Variants in ABCA5 observed in about 807,000 individuals in gnomAD.
ABCA5 encodes the protein ATP binding cassette subfamily A member 5, also known as cholesterol transporter ABCA5.
A neutral mutation model predicts 206.0 loss-of-function variants in ABCA5; 163 were observed. The observed-to-expected ratio is 0.79, with a 90% CI of 0.70 to 0.90. ABCA5 has a LOEUF of 0.90. ABCA5 is among the 40% of genes least tolerant of loss of function. The pLI, the probability that ABCA5 is intolerant of heterozygous loss-of-function variation, is 0.00. For missense variants in ABCA5, 1,859 were observed against 1,912.9 expected (o/e 0.97, Z 0.53); for synonymous variants, 609 against 613.8 (o/e 0.99, Z 0.11).
At chr17:69,261,293 A>G in intron 25 of ABCA5, 34 bp from the exon 26 acceptor site, 1 of 1,568,276 alleles carries the variant, frequency 6.4e-7, no homozygotes, top group Non-Finnish European at 8.6e-7. Context: ...AAAGTGACAA[A>G]GTGTTTAGAA....
At chr17:69,253,999 G>A (rs910456183) in intron 32 of ABCA5, 130 bp from the exon 33 acceptor site, 8 of 694,354 alleles carry the variant, frequency 1.2e-5, no homozygotes, top group Admixed American at 3.2e-5. Context: ...GTAGGTAAGG[G>A]CAAAAGTCTC....
At chr17:69,277,299 G>A (rs1163318254) in intron 19 of ABCA5, among the ~76,000 whole-genome samples, 2 of 152,116 alleles carry the variant, frequency 1.3e-5, no homozygotes, top group African/African-American at 4.8e-5. Context: ...AAGATACAAT[G>A]GGGAGTGTAT....
chr17:69,253,247 A>G (rs1410226088), intron 34 of ABCA5, among the ~76,000 whole-genome samples: 2 of 152,220 alleles, frequency 1.3e-5, no homozygotes, highest in Admixed American at 6.5e-5. Flanking sequence ...TTAAGACACT[A>G]TTATTATGGA....
In ABCA5 at chr17:69,263,697, C is replaced by CTTT. The variant is rs58369537; in HGVS notation, c.3315+1035_3315+1037dup. Among the ~76,000 whole-genome samples the CTTT allele has an allele frequency of 5.6e-3, 581 of 103,670 alleles. 55 individuals carry two copies. The highest frequency in any genetic ancestry group is 0.022 in the African/African-American group (489 of 22,706). The allele number at this position is 103,670 out of a possible 152,430, so 68.0% of individuals were successfully genotyped here. A position where few individuals can be genotyped will look rare whatever the true frequency, so the allele number is the denominator to read the frequency against. On this transcript the variant is annotated intron_variant, in intron 24 of 38. Coordinates refer to ENST00000392676, the MANE Select transcript of ABCA5 (RefSeq NM_172232.4). ...GGCTTTGTTCTTTTTACATGGATTC[C>CTTT]TTTTTTTTTTTTTTTTTGATAAAAA...
chr17:69,271,467 T>C (rs2075273295), intron 20 of ABCA5, among the ~76,000 whole-genome samples, 178 bp from the exon 21 acceptor site: 1 of 152,252 alleles, frequency 6.6e-6, no homozygotes, highest in Admixed American at 6.5e-5. Flanking sequence ...AACATTAAAC[T>C]ATTCGTCCTT....
At chr17:69,292,819 A>C (rs2075543162) in intron 11 of ABCA5, among the ~76,000 whole-genome samples, 1 of 152,252 alleles carries the variant, frequency 6.6e-6, no homozygotes, top group Admixed American at 6.5e-5. Flanking sequence ...TAGAATTAAA[A>C]GGCAAGCCTC....
At chr17:69,270,048 T>C (rs1408307382) in intron 22 of ABCA5, among the ~76,000 whole-genome samples, 8 of 152,258 alleles carry the variant, frequency 5.3e-5, no homozygotes. Flanking sequence ...CACCGAAGTG[T>C]ATACTTTGAA....
At chr17:69,267,562 C>T (rs1424262035) in intron 23 of ABCA5, among the ~76,000 whole-genome samples, 2 of 152,056 alleles carry the variant, frequency 1.3e-5, no homozygotes, top group African/African-American at 4.8e-5. Flanking sequence ...ATAAAAGGGA[C>T]GGGCATGTTA....
At chr17:69,281,000 T>C (rs1199132523) in intron 18 of ABCA5, among the ~76,000 whole-genome samples, 1 of 151,544 alleles carries the variant, frequency 6.6e-6, no homozygotes, top group African/African-American at 2.4e-5. Context: ...ACCTGCACAA[T>C]GTGCACATGT....
chr17:69,251,080 C>T (rs547463523), intron 35 of ABCA5: 1 of 153,288 alleles, frequency 6.5e-6, no homozygotes, highest in South Asian at 2.0e-4. Flanking sequence ...TTGGGTTAGT[C>T]TGATATTTTT....
intron 3 of ABCA5, among the ~76,000 whole-genome samples, chr17:69,310,633 A>G (rs535612311): frequency 1.2e-4 from 18 of 152,350 alleles, no homozygotes; most frequent in African/African-American, 4.3e-4. Flanking sequence ...AAAATACTGT[A>G]ATCATTCTTT....
At chr17:69,298,802 G>T (rs2075619785) in intron 9 of ABCA5, among the ~76,000 whole-genome samples, 1 of 152,098 alleles carries the variant, frequency 6.6e-6, no homozygotes, top group Admixed American at 6.6e-5. Flanking sequence ...AAAAGCAAAT[G>T]CAACAAAAAC....
intron 37 of ABCA5, 142 bp from the exon 38 acceptor site, chr17:69,248,459 C>T (rs893429946): frequency 3.9e-5 from 21 of 537,796 alleles, no homozygotes; most frequent in East Asian, 1.3e-4. Context: ...TTATTTTTCC[C>T]GCTTACTTCC....
intron 9 of ABCA5, among the ~76,000 whole-genome samples, chr17:69,299,996 G>C (rs1270042299): frequency 6.6e-6 from 1 of 152,158 alleles, no homozygotes; most frequent in Non-Finnish European, 1.5e-5. Flanking sequence ...TTTTTCCACA[G>C]ACAGGGAGCA....
intron 31 of ABCA5, among the ~76,000 whole-genome samples, 190 bp from the exon 32 acceptor site, chr17:69,254,680 T>C (rs1257890275): frequency 1.3e-5 from 2 of 152,086 alleles, no homozygotes; most frequent in Admixed American, 6.6e-5. Context: ...TGCCTGGCTA[T>C]TGCTTTTTTC....
chr17:69,259,973 T>C (rs1055104960), intron 27 of ABCA5, among the ~76,000 whole-genome samples, 176 bp from the exon 28 acceptor site: 2 of 151,962 alleles, frequency 1.3e-5, no homozygotes, highest in African/African-American at 4.8e-5. Flanking sequence ...TAAATTTTAA[T>C]ACAAACCAAA....
chr17:69,248,171 G>T, intron 38 of ABCA5, 91 bp downstream of exon 38: 1 of 717,208 alleles, frequency 1.4e-6, no homozygotes, highest in Non-Finnish European at 2.3e-6. Flanking sequence ...ACTGGTTTAC[G>T]ATATCTCTCC....
At chr17:69,263,552 A>G (rs1176238418) in intron 24 of ABCA5, among the ~76,000 whole-genome samples, 1 of 151,746 alleles carries the variant, frequency 6.6e-6, no homozygotes, top group Admixed American at 6.6e-5. Flanking sequence ...GTGTGGCTTT[A>G]TTTCTGGGTC....
chr17:69,258,058 A>G (rs2075103207), intron 28 of ABCA5, among the ~76,000 whole-genome samples: 1 of 152,158 alleles, frequency 6.6e-6, no homozygotes, highest in South Asian at 2.1e-4. Context: ...GAAAGCTTTG[A>G]ATAACTATTG....
Sources: allele counts gnomAD v4.1 joint callset (sites outside exome capture counted in the v4.1 genomes callset), GRCh38; gene constraint gnomAD v4.1.1; transcripts MANE v1.5; gene names NCBI Gene and HGNC (gene_info 2026-07-23, HGNC 2026-07-21).